ZNF831: variants seen among roughly 807,000 people sequenced by gnomAD.
ZNF831 encodes chromosome 20 open reading frame 174.
A neutral mutation model predicts 95.8 loss-of-function variants in ZNF831; 59 were observed. The ratio of observed to expected loss-of-function variants is 0.62; its 90% CI spans 0.50 to 0.77. The LOEUF (loss-of-function observed/expected upper bound fraction) is 0.77, where lower values mean the gene tolerates loss of function less well. Ranked by LOEUF, ZNF831 falls within the 30% of genes least tolerant of loss-of-function variation. The probability of loss-of-function intolerance (pLI) is 0.00; values close to 1 mark genes in which losing one functional copy is unlikely to be tolerated. For synonymous variants in ZNF831, 961 were observed against 925.5 expected, an observed-to-expected ratio of 1.04 and a Z score of -0.70; for missense variants, 2,205 against 2,164.0, an observed-to-expected ratio of 1.02 and a Z score of -0.38.
intron 5 of ZNF831, 30 bp from the exon 6 acceptor site, chr20:59,253,863 CCCCCA>C: frequency 1.3e-5 from 14 of 1,096,062 alleles, no homozygotes; most frequent in Non-Finnish European, 1.7e-5. Flanking sequence ...TTAACCTCCC[CCCCCA>C]CTTTTTTTTT....
At chr20:59,156,359 CT>C (rs1027876308) in intron 2 of ZNF831, among the ~76,000 whole-genome samples, 4 of 152,172 alleles carry the variant, frequency 2.6e-5, no homozygotes, top group Non-Finnish European at 5.9e-5. Context: ...AACCTTGTCT[CT>C]ACTAAAATAG....
chr20:59,226,370 A>G (rs987413545), intron 4 of ZNF831, among the ~76,000 whole-genome samples: 3 of 152,066 alleles, frequency 2.0e-5, no homozygotes, highest in African/African-American at 7.2e-5. Context: ...TGTCCTGTCT[A>G]GAACCCCTCT....
chr20:59,157,347 C>T (rs940314927), intron 2 of ZNF831, among the ~76,000 whole-genome samples: 1 of 152,128 alleles, frequency 6.6e-6, no homozygotes, highest in Non-Finnish European at 1.5e-5. Context: ...GGGGCGGATC[C>T]GTGTGCTAAG....
At chr20:59,205,174 C>T (rs141554527) in intron 3 of ZNF831, among the ~76,000 whole-genome samples, 36 of 152,292 alleles carry the variant, frequency 2.4e-4, no homozygotes, top group African/African-American at 6.5e-4. Flanking sequence ...CACTGACTTG[C>T]GCAAAGGTGA....
At chr20:59,241,739 AT>A (rs1399780190) in intron 4 of ZNF831, among the ~76,000 whole-genome samples, 1 of 152,180 alleles carries the variant, frequency 6.6e-6, no homozygotes, top group Admixed American at 6.5e-5. Context: ...CCTGAATAGG[AT>A]TTTATATTAC....
chr20:59,137,147 A>T (rs567071999), intron 1 of ZNF831, among the ~76,000 whole-genome samples: 1 of 152,328 alleles, frequency 6.6e-6, no homozygotes, highest in South Asian at 2.1e-4. Context: ...AAAAATAAAC[A>T]TTCATCTTGC....
rs752358472 is a variant in ZNF831 at position 59,194,662 on chromosome 20, A to G, written c.3643A>G (p.Ser1215Gly). ...VYLAVHFPGSSLRDEGPNGPP... is the reference protein window; with the variant it reads ...VYLAVHFPGSGLRDEGPNGPP... Reference sequence around the variant, plus strand: ...CTTGGCGGTGCACTTTCCTGGTAGCAGCCTCCGAGATGAGGGTCCCAATGG... The same window carrying G: ...CTTGGCGGTGCACTTTCCTGGTAGCGGCCTCCGAGATGAGGGTCCCAATGG... The change falls in exon 2 of 6, where the codon AGC (serine) becomes GGC (glycine). Residue 1215 changes from serine (S) to glycine (G), a missense_variant. Transcript: ENST00000371030. The G allele has an allele frequency of 5.6e-6, 9 of 1,613,326 alleles. No individual in the cohort carries two copies. In the South Asian group the frequency reaches 8.8e-5, roughly 16 times the overall value.
chr20:59,124,206 A>C (rs6100342), intron 1 of ZNF831, among the ~76,000 whole-genome samples: 20,478 of 151,990 alleles, frequency 0.13, 1,498 homozygotes, highest in African/African-American at 0.15. Context: ...GGACACTGGG[A>C]TGCCTGTTTG....
chr20:59,191,072 C>A lies in ZNF831; in HGVS notation c.53C>A (p.Ala18Asp). 1 of 1,519,610 alleles carries A rather than the reference C, an allele frequency of 6.6e-7. No individual in the cohort carries two copies. Among genetic ancestry groups the A allele is most frequent in the Non-Finnish European group, 8.8e-7 (1 of 1,141,900 alleles). The allele number at this position is 1,519,610 out of a possible 1,614,324, so 94.1% of individuals were successfully genotyped here. ...GCCCCTCCTGCGAGGGACCAGCCAG[C>A]TCCCACTCCTGGCCCTCCAGGGGCC... ...CPAPPARDQP[A>D]PTPGPPGAPG... The change falls in exon 2 of 6, where the codon GCT (alanine) becomes GAT (aspartate). Residue 18 changes from alanine (A) to aspartate (D), a missense_variant. Physicochemically the swap from Ala to Asp is moderately radical, Grantham distance 126 (BLOSUM62 -2). Transcript: ENST00000371030.
At chr20:59,142,617 G>A (rs1167802041) in intron 1 of ZNF831, among the ~76,000 whole-genome samples, 1 of 152,234 alleles carries the variant, frequency 6.6e-6, no homozygotes, top group Admixed American at 6.5e-5. Context: ...GGAATAGGTT[G>A]TTAACACCTG....
Position 59,206,945 on chromosome 20 carries a change from G to C in ZNF831, c.3916G>C (p.Ala1306Pro), listed in dbSNP as rs1338022884. The C allele has an allele frequency of 4.3e-6, 7 of 1,614,098 alleles. No homozygotes were observed. The highest frequency in any genetic ancestry group is 5.1e-6 in the Non-Finnish European group (6 of 1,180,062). The change falls in exon 4 of 6, where the codon GCC (alanine) becomes CCC (proline). Residue 1306 changes from alanine to proline, a missense_variant. Physicochemically the swap from Ala to Pro is conservative, Grantham distance 27. Transcript: ENST00000371030. ...CTTGCAGAGCTGTGTTCAGCTGAGA[G>C]CCAGTAGACTTCGCACACCAACCTG... ...NFLQSCVQLR[A>P]SRLRTPTWVR...
Position 59,148,679 on chromosome 20 carries a change from CAAAAAAAAAAAAAAAAAAAAAAAAAA to C in ZNF831, c.-1281+2325_-1281+2350del, listed in dbSNP as rs35635821. 8.1e-3 allele frequency among the ~76,000 whole-genome samples: 131 copies of C among 16,210 alleles called. 5 individuals carry two copies. Among genetic ancestry groups the C allele is most frequent in the South Asian group, 0.019 (6 of 322 alleles). The allele number at this position is 16,210 out of a possible 152,430, so 10.6% of individuals were successfully genotyped here. On this transcript the variant is annotated intron_variant, in intron 2 of 7. Transcript: ENST00000637017. ...TGGGCGACAGAGCGAAACTCCGTCT[CAAAAAAAAAAAAAAAAAAAAAAAAAA>C]AAAAAAAAAAAAAAAAAAAGAACAG...
rs778381878 is a variant in ZNF831, at chr20:59,192,823, GC to G, written c.1805del (p.Ala602GlyfsTer11). The G allele has an allele frequency of 6.2e-7, 1 of 1,609,902 alleles. No homozygotes were observed. The highest frequency in any genetic ancestry group is 8.5e-7 in the Non-Finnish European group (1 of 1,178,322). ...AREAMAGKGR[A>X]GGRKCGQRRL... ...GGAGGCCATGGCCGGCAAGGGCAGA[GC>G]GGGCGGCAGGAAGTGCGGCCAGAGA... is the stretch of plus-strand genomic sequence containing the variant. On this transcript the variant is annotated frameshift_variant, in exon 2 of 6. Transcript: ENST00000371030. LOFTEE classifies it high-confidence loss of function. This position sits in a 1 kb window ranked among gnomAD's most constrained non-coding sequence, Gnocchi z 5.2.
In ZNF831 at chr20:59,192,343, C is replaced by A. The variant is rs201993964; in HGVS notation, c.1324C>A (p.Leu442Met). Residue 442 changes from leucine (L) to methionine (M), a missense_variant, in exon 2 of 6, where the codon CTG becomes ATG. Transcript: ENST00000371030. The surrounding 1 kb of genome is among the most constrained non-coding windows in gnomAD (Gnocchi z 5.2). ...TGLSKQGSIDLPTPYTYKDSF... is the reference protein window; with the variant it reads ...TGLSKQGSIDMPTPYTYKDSF... ...GCTGTCCAAACAGGGCAGCATCGAC[C>A]TGCCCACGCCCTACACCTACAAGGA... 207 of 1,607,594 alleles carry A rather than the reference C, an allele frequency of 1.3e-4. No individual in the cohort carries two copies. The highest frequency in any genetic ancestry group is 1.7e-4 in the Non-Finnish European group (200 of 1,177,470).
intron 1 of ZNF831, among the ~76,000 whole-genome samples, chr20:59,140,264 G>A (rs899467591): frequency 1.3e-5 from 2 of 152,146 alleles, no homozygotes; most frequent in African/African-American, 4.8e-5. Context: ...CATTTAGAAA[G>A]CTGGCTCATT....
intron 4 of ZNF831, among the ~76,000 whole-genome samples, chr20:59,209,371 G>A (rs1985132444): frequency 6.6e-6 from 1 of 152,156 alleles, no homozygotes; most frequent in Non-Finnish European, 1.5e-5. Context: ...TGTTGGGGGA[G>A]GAAGACAAAA....
Position 59,193,993 on chromosome 20 carries a change from C to T in ZNF831, c.2974C>T (p.Pro992Ser), listed in dbSNP as rs1983852444. Residue 992 changes from proline to serine, a missense_variant, in exon 2 of 6, where the codon CCA (proline) becomes TCA (serine). Pro to Ser is a moderately conservative substitution (Grantham distance 74). Transcript: ENST00000371030. The stretch of plus-strand genomic sequence containing the variant: ...ACTGGGGACCCCTCTTTCTCCCAGC[C>T]CAGCCTCAGGCCCCTCCCCAGGTGA... The part of the protein sequence containing the change: ...SGLGTPLSPS[P>S]ASGPSPGEAD... 58 of 1,533,290 alleles carry T rather than the reference C, an allele frequency of 3.8e-5. No homozygotes were observed. The highest frequency in any genetic ancestry group is 5.1e-5 in the Non-Finnish European group (58 of 1,141,928). The allele number at this position is 1,533,290 out of a possible 1,614,324, so 95.0% of individuals were successfully genotyped here. A position where few individuals can be genotyped will look rare whatever the true frequency, so the allele number is the denominator to read the frequency against.
chr20:59,154,897 C>T (rs1601306189), intron 2 of ZNF831, among the ~76,000 whole-genome samples: 1 of 152,190 alleles, frequency 6.6e-6, no homozygotes, highest in East Asian at 1.9e-4. Context: ...CACTCTATTC[C>T]TTTTCCTTCA....
chr20:59,240,792 C>A (rs913955499), intron 4 of ZNF831, among the ~76,000 whole-genome samples: 12 of 151,952 alleles, frequency 7.9e-5, no homozygotes, highest in East Asian at 5.8e-4. Flanking sequence ...ACAGAGCGAG[C>A]CTCCGTCTCA....
Sources: gnomAD v4.1 joint callset for allele counts (sites outside exome capture counted in the v4.1 genomes callset) on GRCh38, gnomAD v4.1.1 for gene constraint, Gnocchi (gnomAD v3.1) non-coding constraint, MANE v1.5 for transcripts, NCBI Gene and HGNC (gene_info 2026-07-23, HGNC 2026-07-21) for gene names.